The following PPP2R5E variants were observed in gnomAD, a reference collection of about 807,000 sequenced individuals.
The protein encoded by PPP2R5E is serine/threonine-protein phosphatase 2A 56 kDa regulatory subunit epsilon isoform.
In PPP2R5E, 4 loss-of-function variants were observed where a neutral mutation model predicts 65.3. That is an observed-to-expected ratio of 0.06 (90% CI 0.03 to 0.14). The LOEUF is 0.14. Among genes scored for constraint, PPP2R5E ranks in the 10% least tolerant of loss-of-function variants. The pLI is 1.00. For synonymous variants in PPP2R5E, 183 were observed against 187.4 expected, an observed-to-expected ratio of 0.98 and a Z score of 0.19; for missense variants, 274 against 556.1, an observed-to-expected ratio of 0.49 and a Z score of 5.10.
At chr14:63,523,036 A>G (rs1359182091) in intron 2 of PPP2R5E, among the ~76,000 whole-genome samples, 1 of 133,796 alleles carries the variant, frequency 7.5e-6, no homozygotes, top group African/African-American at 2.9e-5. Flanking sequence ...CCCTACTGGG[A>G]AGTAAGGAGC....
intron 3 of PPP2R5E, among the ~76,000 whole-genome samples, chr14:63,432,167 A>G (rs1341055529): frequency 1.3e-5 from 2 of 152,210 alleles, no homozygotes; most frequent in East Asian, 1.9e-4. Flanking sequence ...CACAAGGAAG[A>G]CATCATTTTT....
At chr14:63,463,750 C>T (rs374631462) in intron 2 of PPP2R5E, among the ~76,000 whole-genome samples, 2 of 151,982 alleles carry the variant, frequency 1.3e-5, no homozygotes, top group African/African-American at 2.4e-5. Flanking sequence ...GCGCCCGCCA[C>T]CATGCCCGGC....
chr14:63,430,024 A>G (rs577287418), intron 3 of PPP2R5E, among the ~76,000 whole-genome samples: 1 of 152,296 alleles, frequency 6.6e-6, no homozygotes, highest in Admixed American at 6.5e-5. Flanking sequence ...CAAAAGATGA[A>G]TCTAAGTAGA....
chr14:63,457,727 G>A (rs984289295), intron 2 of PPP2R5E, among the ~76,000 whole-genome samples: 1 of 152,108 alleles, frequency 6.6e-6, no homozygotes, highest in Non-Finnish European at 1.5e-5. Context: ...ATGTAATACC[G>A]TGAAGGTCAC....
intron 2 of PPP2R5E, among the ~76,000 whole-genome samples, chr14:63,481,137 C>T (rs1184716988): frequency 6.6e-6 from 1 of 152,132 alleles, no homozygotes; most frequent in South Asian, 2.1e-4. Flanking sequence ...GAACACTTCC[C>T]ATTCCTATCT....
intron 2 of PPP2R5E, among the ~76,000 whole-genome samples, chr14:63,514,551 C>A (rs1892589229): frequency 6.6e-6 from 1 of 150,888 alleles, no homozygotes; most frequent in African/African-American, 2.4e-5. Flanking sequence ...AAGATGCAAA[C>A]CAGAAAAGAA....
intron 11 of PPP2R5E, among the ~76,000 whole-genome samples, chr14:63,388,112 CT>C (rs779677887): frequency 7.2e-4 from 99 of 137,328 alleles, no homozygotes; most frequent in Middle Eastern, 3.6e-3. Context: ...TGGTGATGCT[CT>C]TTTTTTTTTT....
chr14:63,525,076 G>A (rs1893127408), intron 2 of PPP2R5E, among the ~76,000 whole-genome samples: 1 of 152,224 alleles, frequency 6.6e-6, no homozygotes, highest in Non-Finnish European at 1.5e-5. Context: ...TTTGCCCTCA[G>A]TTAAAAGCAA....
At chr14:63,383,519 G>A (rs995873622) in intron 12 of PPP2R5E, among the ~76,000 whole-genome samples, 4 of 152,162 alleles carry the variant, frequency 2.6e-5, no homozygotes, top group African/African-American at 9.7e-5. Flanking sequence ...GTCCTCAAGA[G>A]ACTATCTGTA....
intron 2 of PPP2R5E, among the ~76,000 whole-genome samples, chr14:63,528,609 T>C (rs1001819893): frequency 6.6e-6 from 1 of 152,126 alleles, no homozygotes; most frequent in African/African-American, 2.4e-5. Context: ...CCTTTTAAAA[T>C]AAAAAGTTTT....
chr14:63,463,186 G>A (rs1889588583), intron 2 of PPP2R5E, among the ~76,000 whole-genome samples: 1 of 151,324 alleles, frequency 6.6e-6, no homozygotes, highest in Non-Finnish European at 1.5e-5. Context: ...TGTCACCCAG[G>A]CTGGAGGCAA....
At chr14:63,378,778 T>G (rs1417883971) in intron 13 of PPP2R5E, among the ~76,000 whole-genome samples, 1 of 152,246 alleles carries the variant, frequency 6.6e-6, no homozygotes, top group Non-Finnish European at 1.5e-5. Context: ...TATCTAACAG[T>G]GTTAAGTACT....
At chr14:63,408,940 C>G (rs1009965174) in intron 5 of PPP2R5E, among the ~76,000 whole-genome samples, 4 of 152,014 alleles carry the variant, frequency 2.6e-5, no homozygotes, top group Admixed American at 2.0e-4. Flanking sequence ...ACCAAAAATA[C>G]AAAAATTAGG....
In PPP2R5E at chr14:63,382,127, C is replaced by T. The variant is rs762874931; in HGVS notation, c.1233G>A (p.Leu411=). The change falls in exon 13 of 14, where the codon TTG becomes TTA. Residue 411 remains leucine (L), a synonymous_variant. Transcript: ENST00000337537. ...TGCTGTTCATTTCCATAAATGCCTTCAACACATTGTACACCAACGCCACAA... is the reference window on the plus strand; with the variant it reads ...TGCTGTTCATTTCCATAAATGCCTTTAACACATTGTACACCAACGCCACAA... ...PAIVALVYNV[L]KAFMEMNSTM... is the part of the protein sequence containing the mutation. The T allele has an allele frequency of 3.1e-6, 5 of 1,613,926 alleles. No individual in the cohort carries two copies. The highest frequency in any genetic ancestry group is 4.2e-6 in the Non-Finnish European group (5 of 1,179,864).
intron 11 of PPP2R5E, among the ~76,000 whole-genome samples, chr14:63,388,070 T>C (rs1884778744): frequency 6.6e-6 from 1 of 152,170 alleles, no homozygotes; most frequent in Admixed American, 6.5e-5. Context: ...GGCCTCTCTT[T>C]TCTAAGCTTC....
At chr14:63,512,104 A>G (rs1018799876) in intron 2 of PPP2R5E, among the ~76,000 whole-genome samples, 2 of 144,672 alleles carry the variant, frequency 1.4e-5, no homozygotes, top group South Asian at 2.2e-4. Flanking sequence ...AAAAAAAAAA[A>G]GAATCTCAGA....
At chr14:63,538,283 CAG>C (rs1341062643) in intron 2 of PPP2R5E, among the ~76,000 whole-genome samples, 2 of 148,466 alleles carry the variant, frequency 1.3e-5, no homozygotes, top group South Asian at 2.1e-4. Flanking sequence ...TCCCCCGAGA[CAG>C]AGTCTTGCTC....
intron 2 of PPP2R5E, among the ~76,000 whole-genome samples, chr14:63,464,548 G>A (rs1889678907): frequency 6.6e-6 from 1 of 152,152 alleles, no homozygotes; most frequent in African/African-American, 2.4e-5. Flanking sequence ...AAGTGGGGAA[G>A]AAAAGGACAG....
intron 10 of PPP2R5E, 38 bp from the exon 11 acceptor site, chr14:63,389,769 C>T (rs1177796797): frequency 6.6e-7 from 1 of 1,512,672 alleles, no homozygotes; most frequent in African/African-American, 1.4e-5. Flanking sequence ...TGAGGCACAT[C>T]ATGAAAAAAA....
Sources: gnomAD v4.1 joint callset for allele counts (sites outside exome capture counted in the v4.1 genomes callset) on GRCh38, gnomAD v4.1.1 for gene constraint, MANE v1.5 for transcripts, NCBI Gene and HGNC (gene_info 2026-07-23, HGNC 2026-07-21) for gene names.